Variants in TTC27 observed in about 807,000 individuals in gnomAD.
The protein encoded by TTC27 is tetratricopeptide repeat protein 27.
TTC27 carries 79 observed loss-of-function variants against 115.9 expected under a neutral mutation model. That is an observed-to-expected ratio of 0.68 (90% CI 0.57 to 0.82). The LOEUF is 0.82. Ranked by LOEUF, TTC27 falls within the 40% of genes least tolerant of loss-of-function variation. The pLI is 0.00. For missense variants in TTC27, 1,054 were observed against 993.1 expected, an observed-to-expected ratio of 1.06 and a Z score of -0.82; for synonymous variants, 401 against 356.0, an observed-to-expected ratio of 1.13 and a Z score of -1.42.
intron 9 of TTC27, among the ~76,000 whole-genome samples, chr2:32,690,110 A>T (rs182484082): frequency 6.4e-4 from 97 of 152,320 alleles, no homozygotes; most frequent in Non-Finnish European, 1.1e-3. Context: ...TCCTCAAGTA[A>T]CATTGCTTGC....
chr2:32,745,386 T>C (rs1448225), intron 12 of TTC27, among the ~76,000 whole-genome samples: 52,562 of 151,956 alleles, frequency 0.35, 9,939 homozygotes, highest in Non-Finnish European at 0.41. Flanking sequence ...CAATTCCACA[T>C]CTCTAAAGAA....
In TTC27 at chr2:32,628,373, C is replaced by A; in HGVS notation, c.81C>A (p.Val27=). Residue 27 remains valine (V), a synonymous_variant, in exon 1 of 20, where the codon GTC becomes GTA. Coordinates refer to ENST00000317907, the MANE Select transcript of TTC27 (RefSeq NM_017735.5). ...AGCAATGGAAACAGGAGGGGGTCGT[C>A]GGTTCAGGTGAGAGGCGCACCTACC... ...ERQQWKQEGV[V]GSESGSFLQL... 6.2e-7 allele frequency: 1 copy of A among 1,601,176 alleles called. No homozygotes were observed. Among genetic ancestry groups the A allele is most frequent in the Non-Finnish European group, 8.5e-7 (1 of 1,175,192 alleles).
chr2:32,649,449 A>G (rs753183347), intron 4 of TTC27, among the ~76,000 whole-genome samples: 2 of 152,114 alleles, frequency 1.3e-5, no homozygotes, highest in Non-Finnish European at 2.9e-5. Flanking sequence ...GGTGATGGAA[A>G]AATCACCCCC....
chr2:32,789,180 A>G (rs1434010185), intron 16 of TTC27, among the ~76,000 whole-genome samples: 1 of 152,206 alleles, frequency 6.6e-6, no homozygotes, highest in Non-Finnish European at 1.5e-5. Context: ...AGTCATCAAG[A>G]TAATGCCGAT....
Position 32,633,935 on chromosome 2 carries a change from GGACGGGGCCCCCTGTT to G in TTC27, c.330_345del (p.Gly111TyrfsTer26). On this transcript the variant is annotated frameshift_variant, in exon 3 of 20. Coordinates refer to ENST00000317907, the MANE Select transcript of TTC27 (RefSeq NM_017735.5). LOFTEE classifies it high-confidence loss of function. ...TTGCAACTTTTTGTTCAGAGCAACT[GGACGGGGCCCCCTGTT>G]GACTTACACCCTCAGGACTTTTTGT... is the stretch of plus-strand genomic sequence containing the variant. 1 of 1,614,016 alleles carries G rather than the reference GGACGGGGCCCCCTGTT, an allele frequency of 6.2e-7. No homozygotes were observed. Among genetic ancestry groups the G allele is most frequent in the South Asian group, 1.1e-5 (1 of 91,056 alleles).
chr2:32,801,887 C>G (rs1187058052), intron 16 of TTC27, among the ~76,000 whole-genome samples: 2 of 152,140 alleles, frequency 1.3e-5, no homozygotes, highest in Non-Finnish European at 2.9e-5. Flanking sequence ...ACTAATAAAA[C>G]TTTTCAAAAG....
At chr2:32,792,613 T>C (rs1236123739) in intron 16 of TTC27, among the ~76,000 whole-genome samples, 10 of 152,066 alleles carry the variant, frequency 6.6e-5, no homozygotes, top group African/African-American at 2.2e-4. Flanking sequence ...AACAAGTACT[T>C]AGAGAGCTCC....
chr2:32,630,974 C>T (rs567603919), intron 2 of TTC27, among the ~76,000 whole-genome samples: 5 of 152,200 alleles, frequency 3.3e-5, no homozygotes, highest in South Asian at 2.1e-4. Flanking sequence ...CTTTACCCAC[C>T]GGCAAAACTT....
chr2:32,745,913 C>G (rs1383111798), intron 12 of TTC27, among the ~76,000 whole-genome samples: 1 of 152,196 alleles, frequency 6.6e-6, no homozygotes, highest in East Asian at 1.9e-4. Flanking sequence ...GACCTTTGCT[C>G]TAAATAGTGC....
At chr2:32,707,495 T>G (rs541375896) in intron 10 of TTC27, among the ~76,000 whole-genome samples, 1 of 152,332 alleles carries the variant, frequency 6.6e-6, no homozygotes, top group East Asian at 1.9e-4. Flanking sequence ...TATAGCACTG[T>G]TGAATTTGTA....
chr2:32,716,848 C>T (rs762627182), intron 10 of TTC27, among the ~76,000 whole-genome samples: 3 of 151,182 alleles, frequency 2.0e-5, no homozygotes, highest in Non-Finnish European at 3.0e-5. Flanking sequence ...TACCCATCAC[C>T]ATGCCAGGCT....
chr2:32,681,379 T>C (rs1313040957), intron 9 of TTC27, among the ~76,000 whole-genome samples: 1 of 152,138 alleles, frequency 6.6e-6, no homozygotes, highest in Non-Finnish European at 1.5e-5. Context: ...CAGTTCTTCC[T>C]CCTGTCCCTT....
At chr2:32,688,721 A>T (rs1330380252) in intron 9 of TTC27, among the ~76,000 whole-genome samples, 1 of 152,148 alleles carries the variant, frequency 6.6e-6, no homozygotes, top group African/African-American at 2.4e-5. Flanking sequence ...ACCACTGTAC[A>T]TTACTGAAAA....
At chr2:32,681,494 A>C (rs1009502265) in intron 9 of TTC27, among the ~76,000 whole-genome samples, 1 of 152,190 alleles carries the variant, frequency 6.6e-6, no homozygotes, top group Admixed American at 6.6e-5. Flanking sequence ...CCAAAAGAGT[A>C]CAAACAGCCC....
chr2:32,684,209 A>G (rs1666548671), intron 9 of TTC27, among the ~76,000 whole-genome samples: 1 of 152,144 alleles, frequency 6.6e-6, no homozygotes, highest in African/African-American at 2.4e-5. Context: ...TTTACTGAGA[A>G]TGATGATTTC....
chr2:32,788,798 C>T (rs1408134113), intron 16 of TTC27, among the ~76,000 whole-genome samples: 1 of 152,212 alleles, frequency 6.6e-6, no homozygotes, highest in Non-Finnish European at 1.5e-5. Context: ...AGGCCTCTCT[C>T]ATCCAGTAAG....
At chr2:32,635,843 TA>T (rs1485849361) in intron 3 of TTC27, among the ~76,000 whole-genome samples, 1 of 152,210 alleles carries the variant, frequency 6.6e-6, no homozygotes, top group Non-Finnish European at 1.5e-5. Flanking sequence ...CATATCAGCT[TA>T]GTGAGTCACT....
chr2:32,756,764 A>G (rs1199034855), intron 12 of TTC27, among the ~76,000 whole-genome samples: 1 of 152,246 alleles, frequency 6.6e-6, no homozygotes, highest in Non-Finnish European at 1.5e-5. Flanking sequence ...CCATTTTGGC[A>G]ATGGCTATCC....
chr2:32,813,854 G>C (rs1020801725), intron 18 of TTC27, among the ~76,000 whole-genome samples: 4 of 152,174 alleles, frequency 2.6e-5, no homozygotes, highest in African/African-American at 9.6e-5. Context: ...GAAGTGCTGA[G>C]CTCTATATAG....
Sources: allele counts gnomAD v4.1 joint callset (sites outside exome capture counted in the v4.1 genomes callset), GRCh38; gene constraint gnomAD v4.1.1; transcripts MANE v1.5; gene names NCBI Gene and HGNC (gene_info 2026-07-23, HGNC 2026-07-21).